POLG: variants seen among roughly 807,000 people sequenced by gnomAD.
POLG encodes the protein DNA polymerase subunit gamma-1.
Under a neutral mutation model 155.4 loss-of-function variants are expected in POLG, and 110 were observed. That is an observed-to-expected ratio of 0.71 (90% CI 0.61 to 0.83). The LOEUF (loss-of-function observed/expected upper bound fraction) is 0.83, where lower values mean the gene tolerates loss of function less well. Among genes scored for constraint, POLG ranks in the 40% least tolerant of loss-of-function variants. The pLI, the probability that POLG is intolerant of heterozygous loss-of-function variation, is 0.00. For missense variants in POLG, 1,685 were observed against 1,627.5 expected (o/e 1.04, Z -0.61); for synonymous variants, 701 against 631.5 (o/e 1.11, Z -1.65).
At chr15:89,317,187 C>G in intron 22 of POLG, 189 bp downstream of exon 22, 1 of 630,410 alleles carries the variant, frequency 1.6e-6, no homozygotes, top group Non-Finnish European at 2.8e-6. Flanking sequence ...AGCTCTGCTG[C>G]CTTCATTTCT....
chr15:89,317,369 T>C lies in POLG; in HGVS notation c.3643+7A>G. The C allele has an allele frequency of 6.2e-7, 1 of 1,613,848 alleles. No individual in the cohort carries two copies. Among genetic ancestry groups the C allele is most frequent in the Non-Finnish European group, 8.5e-7 (1 of 1,179,722 alleles). ...TGTGTAATGAGGAACAAATGTGTTG[T>C]GCTCACCCTGGGGAATCCCGTATCT... is the stretch of plus-strand genomic sequence containing the variant. On this transcript the variant is annotated splice_region_variant and intron_variant, in intron 22 of 22. Coordinates refer to ENST00000268124, the MANE Select transcript of POLG (RefSeq NM_002693.3).
In POLG at chr15:89,333,868, C is replaced by T. The variant is rs971728745; in HGVS notation, c.-114G>A. The stretch of plus-strand genomic sequence containing the variant: ...AGAGACACGTCCTGTCTCTGCTCTC[C>T]TGTCAGTGAAATGGGTTTGACCATG... On this transcript the variant is annotated 5_prime_UTR_variant, in exon 2 of 23. Transcript: ENST00000268124. 2.3e-6 allele frequency: 3 copies of T among 1,289,134 alleles called. No individual in the cohort carries two copies. The highest frequency in any genetic ancestry group is 1.5e-5 in the African/African-American group (1 of 68,278). 79.9% of individuals were successfully genotyped at this position (1,289,134 alleles called of 1,614,324 possible). A position where few individuals can be genotyped will look rare whatever the true frequency, so the allele number is the denominator to read the frequency against.
chr15:89,333,812 T>C lies in POLG; in HGVS notation c.-58A>G. 6.5e-7 allele frequency: 1 copy of C among 1,528,898 alleles called. No individual in the cohort carries two copies. The highest frequency in any genetic ancestry group is 8.8e-7 in the Non-Finnish European group (1 of 1,141,166). The allele number at this position is 1,528,898 out of a possible 1,614,324, so 94.7% of individuals were successfully genotyped here. On this transcript the variant is annotated 5_prime_UTR_variant, in exon 2 of 23. Transcript: ENST00000268124. ...GAACACCTGGCTTTGGGCTCCAGCT[T>C]GGCTTCTTTTACTGGCTGGAAGACG...
At chr15:89,332,487 T>C (rs2055605892) in intron 2 of POLG, 1 of 152,082 alleles carries the variant, frequency 6.6e-6, no homozygotes, top group Non-Finnish European at 1.5e-5. Context: ...TTGGATATAC[T>C]TGTTTGGGAC....
At chr15:89,324,308 C>T (rs2055441330) in intron 10 of POLG, 81 bp from the exon 11 acceptor site, 1 of 1,515,754 alleles carries the variant, frequency 6.6e-7, no homozygotes, top group African/African-American at 1.4e-5. Context: ...GTGCCTTCCA[C>T]AATTCCCTTT....
Position 89,318,538 on chromosome 15 carries a change from T to C in POLG, c.3482+3A>G. ...CAGGCTAGAGGCCATGGGCCCCGCATACCTGGTCAAGAGGTTGGTGATCTG... is the reference window on the plus strand; with the variant it reads ...CAGGCTAGAGGCCATGGGCCCCGCACACCTGGTCAAGAGGTTGGTGATCTG... On this transcript the variant is annotated splice_donor_region_variant and intron_variant, in intron 21 of 22. Coordinates refer to ENST00000268124, the MANE Select transcript of POLG (RefSeq NM_002693.3). 2 of 1,612,626 alleles carry C rather than the reference T, an allele frequency of 1.2e-6. No individual in the cohort carries two copies. The highest frequency in any genetic ancestry group is 8.5e-7 in the Non-Finnish European group (1 of 1,179,652).
At chr15:89,319,643 A>T (rs556998643) in intron 18 of POLG, among the ~76,000 whole-genome samples, 1 of 152,318 alleles carries the variant, frequency 6.6e-6, no homozygotes, top group East Asian at 1.9e-4. Flanking sequence ...CACTATTCCT[A>T]CTGTCCTGTT....
chr15:89,326,492 C>G (rs1261697482), intron 9 of POLG, 120 bp downstream of exon 9: 40 of 1,110,426 alleles, frequency 3.6e-5, no homozygotes, highest in Non-Finnish European at 1.3e-6. Flanking sequence ...GACTGAATGG[C>G]AGCAGGTCAA....
chr15:89,333,364 A>G lies in POLG; in HGVS notation c.391T>C (p.Tyr131His), dbSNP rs562847013. Residue 131 changes from tyrosine to histidine, a missense_variant, in exon 2 of 23, where the codon TAC (tyrosine) becomes CAC (histidine). Around this residue, in one of 3 missense-constraint regions of POLG, gnomAD observed 1,210 missense variants for 1,167.1 expected, o/e 1.04. Transcript: ENST00000268124. ...AAGTGCTGGTCCAGGTTGTCCCCGT[A>G]GAGGGGCGGCAGGCGCAGCTCCACG... ...PDVELRLPPL[Y>H]GDNLDQHFRL... 485 of 1,575,850 alleles carry G rather than the reference A, an allele frequency of 3.1e-4. No individual in the cohort carries two copies. Among genetic ancestry groups the G allele is most frequent in the Non-Finnish European group, 3.9e-4 (455 of 1,163,556 alleles).
chr15:89,322,936 A>T (rs990682918), intron 13 of POLG, 34 bp from the exon 14 acceptor site: 2 of 1,606,986 alleles, frequency 1.2e-6, no homozygotes, highest in African/African-American at 2.7e-5. Context: ...GGCTGGAGGC[A>T]GGTGGCAGAC....
intron 10 of POLG, among the ~76,000 whole-genome samples, chr15:89,325,069 T>TGGGA (rs2055460610): frequency 1.2e-5 from 1 of 86,732 alleles, no homozygotes; most frequent in African/African-American, 6.7e-5. Context: ...AGTGAGTGAG[T>TGGGA]GAGTGAGTGA....
At position 89,333,202 on chromosome 15, in the gene POLG, C is replaced by T. The variant is rs953495957; in HGVS notation, c.553G>A (p.Val185Ile). 1 of 1,573,726 alleles carries T rather than the reference C, an allele frequency of 6.4e-7. No individual in the cohort carries two copies. The highest frequency in any genetic ancestry group is 8.6e-7 in the Non-Finnish European group (1 of 1,156,508). ...WTRYGPEGEA[V>I]PVAIPEERAL... ...CGCTCCTCGGGGATGGCCACGGGTA[C>T]GGCCTCCCCCTCGGGGCCGTACCGG... Residue 185 changes from valine to isoleucine, a missense_variant, in exon 2 of 23, where the codon GTA (valine) becomes ATA (isoleucine). Physicochemically the swap from Val to Ile is conservative, Grantham distance 29. This residue lies in a region of POLG where 1,210 missense variants were observed against 1,167.1 expected (regional missense o/e 1.04). Transcript: ENST00000268124.
chr15:89,316,844 A>G lies in POLG; in HGVS notation c.3644-17T>C, dbSNP rs780226017. On this transcript the variant is annotated splice_polypyrimidine_tract_variant and intron_variant, in intron 22 of 22. Transcript: ENST00000268124. ...GCGCTTCACCTGAAAGATAGTGCAA[A>G]TTGGTTAGGATGCCACCTCAAGAAC... The G allele has an allele frequency of 2.5e-6, 4 of 1,578,956 alleles. No individual in the cohort carries two copies. The South Asian group carries it at 4.4e-5, about 17-fold the overall frequency.
At chr15:89,326,488 A>G in intron 9 of POLG, 124 bp downstream of exon 9, 2 of 1,067,892 alleles carry the variant, frequency 1.9e-6, no homozygotes, top group Non-Finnish European at 2.8e-6. Flanking sequence ...GTGTGACTGA[A>G]TGGCAGCAGG....
At chr15:89,320,722 C>A (rs2055381704) in intron 18 of POLG, 44 bp downstream of exon 18, 2 of 1,608,218 alleles carry the variant, frequency 1.2e-6, no homozygotes, top group Non-Finnish European at 1.7e-6. Context: ...GTAAAGCAGG[C>A]CTCGGGTCCT....
In POLG at chr15:89,330,066, C is replaced by A; in HGVS notation, c.855+15G>T. 1.9e-6 allele frequency: 3 copies of A among 1,609,796 alleles called. No homozygotes were observed. The highest frequency in any genetic ancestry group is 2.6e-6 in the Non-Finnish European group (3 of 1,176,100). ...ATCCCATGCCAGAACCTGCAGTTGG[C>A]CCCAGGAACCTTACCTGGATCAGGT... On this transcript the variant is annotated intron_variant, in intron 3 of 22. Transcript: ENST00000268124.
At position 89,325,642 on chromosome 15, in the gene POLG, G is replaced by A. The variant is rs949432691; in HGVS notation, c.1757C>T (p.Thr586Ile). ...LCPRLDDPAW[T>I]PGPSLLSLQM... ...CAGGCTGAGGAGGCTGGGGCCCGGG[G>A]TCCATGCAGGGTCGTCTAGCCGGGG... Residue 586 changes from threonine (T) to isoleucine (I), a missense_variant, in exon 10 of 23, where the codon ACC becomes ATC. Physicochemically the swap from Thr to Ile is moderately conservative, Grantham distance 89. Transcript: ENST00000268124. The A allele has an allele frequency of 6.8e-6, 11 of 1,612,258 alleles. No homozygotes were observed. The highest frequency in any genetic ancestry group is 5.5e-5 in the South Asian group (5 of 91,088).
chr15:89,322,157 C>T, intron 14 of POLG, 142 bp from the exon 15 acceptor site: 1 of 818,138 alleles, frequency 1.2e-6, no homozygotes. Flanking sequence ...AAGGTGAGCC[C>T]TGGCTCAGCC....
In POLG at chr15:89,325,207, AGAGTGAGTGAGTGAGAGAGT is replaced by A. The variant is rs1454361337; in HGVS notation, c.1949+223_1949+242del. Among the ~76,000 whole-genome samples the A allele has an allele frequency of 1.0e-4, 7 of 67,358 alleles. 2 individuals are homozygous for A. In the East Asian group the frequency reaches 2.3e-3, roughly 22 times the overall value. The allele number at this position is 67,358 out of a possible 152,430, so 44.2% of individuals were successfully genotyped here. A position where few individuals can be genotyped will look rare whatever the true frequency, so the allele number is the denominator to read the frequency against. ...GTGAGTGAGTGAGAGAGTGAGTGAG[AGAGTGAGTGAGTGAGAGAGT>A]GAGTGAGAGAGTGAGTGAGTGAGAG... On this transcript the variant is annotated intron_variant, in intron 10 of 22. Transcript: ENST00000268124.
Sources: gnomAD v4.1 joint callset for allele counts (sites outside exome capture counted in the v4.1 genomes callset) on GRCh38, gnomAD v4.1.1 for gene constraint, gnomAD v4.1.1 regional missense constraint, MANE v1.5 for transcripts, NCBI Gene and HGNC (gene_info 2026-07-23, HGNC 2026-07-21) for gene names.